The following FAM107B variants were observed in gnomAD, a reference collection of about 807,000 sequenced individuals.
FAM107B encodes the protein family with sequence similarity 107 member B.
In FAM107B, 21 loss-of-function variants were observed where a neutral mutation model predicts 31.5. That is an observed-to-expected ratio of 0.67 (90% CI 0.47 to 0.96). The LOEUF (loss-of-function observed/expected upper bound fraction) is 0.96. FAM107B is among the 40% of genes least tolerant of loss of function. The probability of loss-of-function intolerance (pLI) is 0.00; values close to 1 mark genes in which losing one functional copy is unlikely to be tolerated. For synonymous variants in FAM107B, 157 were observed against 141.5 expected (o/e 1.11, Z -0.78); for missense variants, 452 against 377.1 (o/e 1.20, Z -1.64).
intron 2 of FAM107B, chr10:14,548,644 A>T (rs1197436879): frequency 2.0e-6 from 2 of 985,398 alleles, no homozygotes; most frequent in Non-Finnish European, 2.4e-6. Context: ...CTGCGAAGGC[A>T]GGCACTCCCA....
At chr10:14,597,530 T>C (rs1488934130) in intron 2 of FAM107B, among the ~76,000 whole-genome samples, 2 of 152,196 alleles carry the variant, frequency 1.3e-5, no homozygotes, top group African/African-American at 4.8e-5. Context: ...AACCCAGTTA[T>C]CTTTAAAACT....
intron 1 of FAM107B, among the ~76,000 whole-genome samples, chr10:14,746,910 C>T (rs374706972): frequency 2.6e-4 from 39 of 152,238 alleles, no homozygotes; most frequent in African/African-American, 8.2e-4. Flanking sequence ...CTATTCTCCC[C>T]GTCTCTTTCA....
chr10:14,609,604 A>G (rs1480104151), intron 2 of FAM107B, among the ~76,000 whole-genome samples: 1 of 152,206 alleles, frequency 6.6e-6, no homozygotes, highest in African/African-American at 2.4e-5. Flanking sequence ...ACTCAGACTT[A>G]AAGTGCTCAT....
At chr10:14,576,782 C>G (rs936124619) in intron 2 of FAM107B, among the ~76,000 whole-genome samples, 1 of 151,974 alleles carries the variant, frequency 6.6e-6, no homozygotes, top group African/African-American at 2.4e-5. Context: ...ATTGCAAGTC[C>G]CAAAAACCGT....
intron 2 of FAM107B, chr10:14,548,321 C>T (rs1848907768): frequency 1.5e-6 from 1 of 667,178 alleles, no homozygotes; most frequent in Non-Finnish European, 1.9e-6. Flanking sequence ...CAGGGGGAGG[C>T]ACAGGGAGGC....
At chr10:14,639,557 A>G (rs1321267321) in intron 2 of FAM107B, among the ~76,000 whole-genome samples, 1 of 152,196 alleles carries the variant, frequency 6.6e-6, no homozygotes, top group Non-Finnish European at 1.5e-5. Flanking sequence ...CATTCCTCTC[A>G]AGACTACCCC....
intron 2 of FAM107B, among the ~76,000 whole-genome samples, chr10:14,621,736 C>CT (rs34197775): frequency 6.6e-6 from 1 of 152,146 alleles, no homozygotes; most frequent in East Asian, 1.9e-4. Context: ...CAGGATTTGG[C>CT]TTTTTTTGAG....
chr10:14,722,946 G>C lies in FAM107B; in HGVS notation c.411+51307C>G, dbSNP rs144370418. Among the ~76,000 whole-genome samples the C allele has an allele frequency of 2.7e-3, 410 of 152,158 alleles. 2 individuals carry two copies. The highest frequency in any genetic ancestry group is 9.5e-3 in the African/African-American group (396 of 41,506). ...TTTCTTCTAAGATTGTATTGTCTTA[G>C]CTCTCATATTTAGATCTTTGATATA... On this transcript the variant is annotated intron_variant, in intron 1 of 4. Coordinates refer to ENST00000181796, the MANE Select transcript of FAM107B (RefSeq NM_031453.4).
At chr10:14,550,153 G>A (rs1849122284) in intron 2 of FAM107B, among the ~76,000 whole-genome samples, 1 of 152,214 alleles carries the variant, frequency 6.6e-6, no homozygotes, top group African/African-American at 2.4e-5. Context: ...TAGAAGTGAA[G>A]TGATCCGATT....
At chr10:14,757,319 A>G (rs1299548921) in intron 1 of FAM107B, among the ~76,000 whole-genome samples, 1 of 113,222 alleles carries the variant, frequency 8.8e-6, no homozygotes, top group East Asian at 3.8e-4. Context: ...TTGCTGACTG[A>G]AAAAAAAAAA....
At chr10:14,634,750 G>A (rs933778791) in intron 2 of FAM107B, among the ~76,000 whole-genome samples, 1 of 152,102 alleles carries the variant, frequency 6.6e-6, no homozygotes, top group Non-Finnish European at 1.5e-5. Context: ...TGCCATCACT[G>A]TGGGGGTGGA....
At chr10:14,620,493 A>T (rs1372764786) in intron 2 of FAM107B, among the ~76,000 whole-genome samples, 1 of 152,086 alleles carries the variant, frequency 6.6e-6, no homozygotes, top group Middle Eastern at 3.4e-3. Context: ...TTTCATATAC[A>T]TTTTAGAATA....
At chr10:14,526,528 A>G (rs1846255126) in intron 3 of FAM107B, among the ~76,000 whole-genome samples, 1 of 152,184 alleles carries the variant, frequency 6.6e-6, no homozygotes, top group East Asian at 1.9e-4. Flanking sequence ...GGCCTGCCTC[A>G]TTTACATTTC....
At chr10:14,625,555 T>C (rs1273433989) in intron 2 of FAM107B, among the ~76,000 whole-genome samples, 1 of 152,160 alleles carries the variant, frequency 6.6e-6, no homozygotes, top group Admixed American at 6.5e-5. Context: ...GGCCCAGCTC[T>C]GCCTGGCAGC....
Position 14,706,730 on chromosome 10 carries a change from G to A in FAM107B, c.412-39039C>T, listed in dbSNP as rs578011450. On this transcript the variant is annotated intron_variant, in intron 1 of 4. Transcript: ENST00000181796. ...GTGAGCAGCTTTAGTCCATGCTGGAGACTATCTTTTCCTGGTTTGCCAATT... is the reference window on the plus strand; with the variant it reads ...GTGAGCAGCTTTAGTCCATGCTGGAAACTATCTTTTCCTGGTTTGCCAATT... Among the ~76,000 whole-genome samples, 10 of 152,298 alleles carry A rather than the reference G, an allele frequency of 6.6e-5. No individual in the cohort carries two copies. In the East Asian group the frequency reaches 1.9e-3, roughly 29 times the overall value.
intron 2 of FAM107B, among the ~76,000 whole-genome samples, chr10:14,540,316 T>C (rs1453613802): frequency 2.0e-5 from 3 of 152,180 alleles, no homozygotes; most frequent in Non-Finnish European, 4.4e-5. Context: ...TCAATGTCTG[T>C]CCCCAAGGGC....
intron 1 of FAM107B, among the ~76,000 whole-genome samples, chr10:14,747,781 C>G (rs112259350): frequency 0.032 from 4,867 of 152,310 alleles, 244 homozygotes; most frequent in African/African-American, 0.11. Context: ...TCAGGAGGCA[C>G]AGGATCTGGG....
intron 2 of FAM107B, among the ~76,000 whole-genome samples, chr10:14,589,974 T>G (rs940376905): frequency 6.6e-6 from 1 of 152,190 alleles, no homozygotes; most frequent in African/African-American, 2.4e-5. Flanking sequence ...AGGGTTGTCA[T>G]GAGGATCCAA....
intron 2 of FAM107B, among the ~76,000 whole-genome samples, chr10:14,556,852 C>T (rs571750589): frequency 4.7e-4 from 71 of 152,362 alleles, no homozygotes; most frequent in African/African-American, 1.6e-3. Flanking sequence ...GCCCTGGCAG[C>T]GGCCCTCACT....
Sources: gnomAD v4.1 joint callset for allele counts (sites outside exome capture counted in the v4.1 genomes callset) on GRCh38, gnomAD v4.1.1 for gene constraint, MANE v1.5 for transcripts, NCBI Gene and HGNC (gene_info 2026-07-23, HGNC 2026-07-21) for gene names.